The following ITGA3 variants were observed in gnomAD, a reference collection of about 807,000 sequenced individuals.
ITGA3 encodes the protein integrin alpha-3.
In ITGA3, 70 loss-of-function variants were observed where a neutral mutation model predicts 131.1. The ratio of observed to expected loss-of-function variants is 0.53; its 90% CI spans 0.44 to 0.65. ITGA3 has a LOEUF of 0.65. ITGA3 is among the 30% of genes least tolerant of loss of function. The pLI is 0.00. For synonymous variants in ITGA3, 537 were observed against 571.6 expected, an observed-to-expected ratio of 0.94 and a Z score of 0.86; for missense variants, 1,098 against 1,388.6, an observed-to-expected ratio of 0.79 and a Z score of 3.33.
At chr17:50,087,679 T>G in intron 23 of ITGA3, 65 bp from the exon 24 acceptor site, 2 of 1,534,798 alleles carry the variant, frequency 1.3e-6, no homozygotes, top group Non-Finnish European at 1.8e-6. Context: ...CCAGCTAGGA[T>G]AGGAAGGGTG....
chr17:50,076,213 G>GT, intron 12 of ITGA3, 113 bp from the exon 13 acceptor site: 2 of 1,243,714 alleles, frequency 1.6e-6, no homozygotes, highest in East Asian at 4.9e-5. Context: ...TAACTGTCAG[G>GT]TTTTCAGGGT....
In ITGA3 at chr17:50,064,730, C is replaced by CA; in HGVS notation, c.414+124dup. 1 of 701,432 alleles carries CA rather than the reference C, an allele frequency of 1.4e-6. No individual in the cohort carries two copies. 43.5% of individuals were successfully genotyped at this position (701,432 alleles called of 1,614,324 possible). ...GCGCGTGTGTGCTGGGGCCTGCACACATGTCCCTTCCTGTGGCTGTGTGTC... is the reference window on the plus strand; with the variant it reads ...GCGCGTGTGTGCTGGGGCCTGCACACAATGTCCCTTCCTGTGGCTGTGTGTC... On this transcript the variant is annotated intron_variant, in intron 3 of 25. Coordinates refer to ENST00000320031, the MANE Select transcript of ITGA3 (RefSeq NM_002204.4). The surrounding 1 kb of genome is among the most constrained non-coding windows in gnomAD (Gnocchi z 4.4).
At position 50,075,539 on chromosome 17, in the gene ITGA3, G is replaced by T. The variant is rs541435330; in HGVS notation, c.1537+13G>T. On this transcript the variant is annotated intron_variant, in intron 11 of 25. Coordinates refer to ENST00000320031, the MANE Select transcript of ITGA3 (RefSeq NM_002204.4). ...AGGCGAAACATCAGTGAGTGCTGGG[G>T]TGCAGCGTAAAAGGGGTACGCTCCC... The T allele has an allele frequency of 2.5e-6, 4 of 1,614,232 alleles. No homozygotes were observed. Among genetic ancestry groups the T allele is most frequent in the East Asian group, 2.2e-5 (1 of 44,880 alleles).
Position 50,077,437 on chromosome 17 carries a change from G to T in ITGA3, c.2129G>T (p.Arg710Leu), listed in dbSNP as rs1389562806. The change falls in exon 16 of 26, where the codon CGG becomes CTG. Residue 710 changes from arginine to leucine, a missense_variant. Around this residue, in one of 3 missense-constraint regions of ITGA3, gnomAD observed 699 missense variants for 829.2 expected, o/e 0.84. Transcript: ENST00000320031. ...IFCELGNPFK[R>L]NQRMELLIAF... ...TGCGAGCTGGGGAACCCCTTCAAACGGAACCAGAGGGTGAGCACCGGCCAC... is the reference window on the plus strand; with the variant it reads ...TGCGAGCTGGGGAACCCCTTCAAACTGAACCAGAGGGTGAGCACCGGCCAC... The T allele has an allele frequency of 6.2e-7, 1 of 1,613,474 alleles. No homozygotes were observed. Among genetic ancestry groups the T allele is most frequent in the Non-Finnish European group, 8.5e-7 (1 of 1,179,466 alleles).
intron 3 of ITGA3, 148 bp from the exon 4 acceptor site, chr17:50,067,908 G>A: frequency 9.7e-7 from 1 of 1,026,914 alleles, no homozygotes; most frequent in Non-Finnish European, 1.4e-6. Flanking sequence ...GAAAGGAGAT[G>A]CAGGTTTAAG....
intron 23 of ITGA3, chr17:50,086,758 GAATGGGACTAT>G (rs907722305): frequency 1.4e-5 from 2 of 144,014 alleles, no homozygotes; most frequent in Non-Finnish European, 1.5e-5. Context: ...GGAAGAAAAA[GAATGGGACTAT>G]CAGCCGGGCA....
Position 50,060,399 on chromosome 17 carries a change from C to A in ITGA3, c.207-3678C>A, listed in dbSNP as rs762302588. Among the ~76,000 whole-genome samples, 68 of 152,342 alleles carry A rather than the reference C, an allele frequency of 4.5e-4. No homozygotes were observed. The Middle Eastern group carries it at 0.01, about 23-fold the overall frequency. ...CCTTCTCCTCTTTGAGGTGAGCCAA[C>A]CTGGTACCCTGAATTCTCCTGGGTA... On this transcript the variant is annotated intron_variant, in intron 1 of 25. Coordinates refer to ENST00000320031, the MANE Select transcript of ITGA3 (RefSeq NM_002204.4).
At chr17:50,087,449 G>A in intron 23 of ITGA3, 1 of 345,998 alleles carries the variant, frequency 2.9e-6, no homozygotes. Context: ...AGGTCACACA[G>A]CTCATCAGGG....
chr17:50,068,142 T>C lies in ITGA3; in HGVS notation c.501T>C (p.Asn167=). Residue 167 remains asparagine, a synonymous_variant, in exon 4 of 26, where the codon AAT becomes AAC. Coordinates refer to ENST00000320031, the MANE Select transcript of ITGA3 (RefSeq NM_002204.4). ...TGGGCAAGTGCTACGTGCGAGGCAA[T>C]GACCTAGAGCTGGACTCCAGTGATG... is the stretch of plus-strand genomic sequence containing the variant. ...RMVGKCYVRG[N]DLELDSSDDW... is the part of the protein sequence containing the mutation. 1 of 1,614,138 alleles carries C rather than the reference T, an allele frequency of 6.2e-7. No individual in the cohort carries two copies. Among genetic ancestry groups the C allele is most frequent in the African/African-American group, 1.3e-5 (1 of 75,058 alleles).
chr17:50,077,485 C>T, intron 16 of ITGA3, 38 bp downstream of exon 16: 1 of 1,465,964 alleles, frequency 6.8e-7, no homozygotes, highest in Non-Finnish European at 9.6e-7. Flanking sequence ...CTCCTGGGTC[C>T]CTGGCTGCAC....
At chr17:50,067,954 T>C in intron 3 of ITGA3, 102 bp from the exon 4 acceptor site, 2 of 1,480,018 alleles carry the variant, frequency 1.4e-6, no homozygotes, top group Non-Finnish European at 1.8e-6. Context: ...GAGATCTCCT[T>C]TGACTCCTGT....
chr17:50,079,299 G>A (rs1017085046), intron 20 of ITGA3, 41 bp downstream of exon 20: 2 of 1,598,606 alleles, frequency 1.3e-6, no homozygotes, highest in Non-Finnish European at 1.7e-6. Context: ...CATGCTACAG[G>A]GCAGAAAGGC....
rs1908426222 is a variant in ITGA3 at position 50,068,238 on chromosome 17, G to A, written c.597G>A (p.Leu199=). The change falls in exon 4 of 26, where the codon CTG becomes CTA. Residue 199 remains leucine, a synonymous_variant. Coordinates refer to ENST00000320031, the MANE Select transcript of ITGA3 (RefSeq NM_002204.4). ...ACCTGGAGACGGGCATGTGCCAGCT[G>A]GGCACCAGCGGTGGCTTCACCCAGA... ...TDYLETGMCQ[L]GTSGGFTQNT... The A allele has an allele frequency of 1.9e-6, 3 of 1,613,986 alleles. No homozygotes were observed. The highest frequency in any genetic ancestry group is 2.5e-6 in the Non-Finnish European group (3 of 1,180,038).
Position 50,064,021 on chromosome 17 carries a change from T to C in ITGA3, c.207-56T>C. 6.3e-7 allele frequency: 1 copy of C among 1,592,796 alleles called. No individual in the cohort carries two copies. Among genetic ancestry groups the C allele is most frequent in the Non-Finnish European group, 8.6e-7 (1 of 1,169,390 alleles). The stretch of plus-strand genomic sequence containing the variant: ...TGTATGTTGAATAAATAACAAGTTG[T>C]TCCAAGTGGGGCTTGGGGAGTCTGA... On this transcript the variant is annotated intron_variant, in intron 1 of 25. Coordinates refer to ENST00000320031, the MANE Select transcript of ITGA3 (RefSeq NM_002204.4). The surrounding 1 kb of genome is among the most constrained non-coding windows in gnomAD (Gnocchi z 4.4).
At chr17:50,081,515 T>A in intron 23 of ITGA3, 107 bp downstream of exon 23, 1 of 826,830 alleles carries the variant, frequency 1.2e-6, no homozygotes, top group Non-Finnish European at 2.0e-6. Context: ...TTCTCAATCT[T>A]GGCCACACGG....
rs149061589 is a variant in ITGA3, at chr17:50,089,230, G to A, written c.*152G>A. On this transcript the variant is annotated 3_prime_UTR_variant, in exon 26 of 26. Transcript: ENST00000320031. ...CACCCTGCCCACCAAGAAGCACTGGGTGACCAGCTGGCAGACTCGGGACCA... is the reference window on the plus strand; with the variant it reads ...CACCCTGCCCACCAAGAAGCACTGGATGACCAGCTGGCAGACTCGGGACCA... 49 of 1,613,690 alleles carry A rather than the reference G, an allele frequency of 3.0e-5. No homozygotes were observed. In the Admixed American group the frequency reaches 4.2e-4, roughly 14 times the overall value.
chr17:50,066,868 C>T (rs896223560), intron 3 of ITGA3, among the ~76,000 whole-genome samples: 2 of 152,146 alleles, frequency 1.3e-5, no homozygotes, highest in Admixed American at 1.3e-4. Context: ...CCTGTATAAC[C>T]AAAGATATAT....
chr17:50,080,616 C>T (rs1567704045), intron 22 of ITGA3, among the ~76,000 whole-genome samples: 1 of 152,066 alleles, frequency 6.6e-6, no homozygotes, highest in Non-Finnish European at 1.5e-5. Flanking sequence ...CCATGCCTTT[C>T]CCCAGGGTGT....
At position 50,056,511 on chromosome 17, in the gene ITGA3, G is replaced by A. The variant is rs1271838019; in HGVS notation, c.72G>A (p.Ala24=). The part of the protein sequence containing the change: ...LMLCALALMV[A]AGGCVVSAFN... ...TCTGTGCGCTCGCCTTGATGGTGGCGGCCGGCGGCTGCGTCGTCTCCGCCT... is the reference window on the plus strand; with the variant it reads ...TCTGTGCGCTCGCCTTGATGGTGGCAGCCGGCGGCTGCGTCGTCTCCGCCT... Residue 24 remains alanine, a synonymous_variant, in exon 1 of 26, where the codon GCG becomes GCA. Coordinates refer to ENST00000320031, the MANE Select transcript of ITGA3 (RefSeq NM_002204.4). This position sits in a 1 kb window ranked among gnomAD's most constrained non-coding sequence, Gnocchi z 5.6. The A allele has an allele frequency of 6.4e-7, 1 of 1,550,484 alleles. No individual in the cohort carries two copies. Among genetic ancestry groups the A allele is most frequent in the East Asian group, 2.4e-5 (1 of 40,926 alleles).
Sources: gnomAD v4.1 joint callset for allele counts (sites outside exome capture counted in the v4.1 genomes callset) on GRCh38, gnomAD v4.1.1 for gene constraint, gnomAD v4.1.1 regional missense constraint, Gnocchi (gnomAD v3.1) non-coding constraint, MANE v1.5 for transcripts, NCBI Gene and HGNC (gene_info 2026-07-23, HGNC 2026-07-21) for gene names.